Variants in CEP83 observed in about 807,000 individuals in gnomAD.
CEP83 encodes the protein centrosomal protein 83.
In CEP83, 70 loss-of-function variants were observed where a neutral mutation model predicts 101.9. That is an observed-to-expected ratio of 0.69 (90% CI 0.57 to 0.84). CEP83 has a LOEUF of 0.84. Among genes scored for constraint, CEP83 ranks in the 40% least tolerant of loss-of-function variants. The probability of loss-of-function intolerance (pLI) is 0.00; values close to 1 mark genes in which losing one functional copy is unlikely to be tolerated. For synonymous variants in CEP83, 264 were observed against 267.9 expected (o/e 0.99, Z 0.14); for missense variants, 715 against 787.2 (o/e 0.91, Z 1.10).
At chr12:94,353,093 C>G (rs541333058) in intron 11 of CEP83, among the ~76,000 whole-genome samples, 13 of 152,076 alleles carry the variant, frequency 8.5e-5, no homozygotes, top group Admixed American at 8.5e-4. Context: ...CTATAAACAA[C>G]AAGAAAAAAG....
chr12:94,305,918 C>T (rs1968957296), downstream of CEP83: 2 of 152,032 alleles, frequency 1.3e-5, no homozygotes, highest in South Asian at 4.1e-4. Flanking sequence ...AACTGCACTC[C>T]ATCAAACTCA....
chr12:94,354,926 T>C (rs2060378372), intron 11 of CEP83, among the ~76,000 whole-genome samples: 1 of 152,038 alleles, frequency 6.6e-6, no homozygotes, highest in Non-Finnish European at 1.5e-5. Flanking sequence ...TGCTTGAATC[T>C]GGGAGGTGGA....
At chr12:94,440,371 T>C (rs966804010) in intron 1 of CEP83, among the ~76,000 whole-genome samples, 5 of 152,222 alleles carry the variant, frequency 3.3e-5, no homozygotes, top group African/African-American at 9.6e-5. Context: ...CACAGATGAG[T>C]AGCTCTGCTG....
At chr12:94,334,104 TC>T (rs913842496) in intron 12 of CEP83, among the ~76,000 whole-genome samples, 1 of 152,094 alleles carries the variant, frequency 6.6e-6, no homozygotes, top group African/African-American at 2.4e-5. Context: ...TCAGCAACCT[TC>T]CAGAAGTTCT....
intron 2 of CEP83, among the ~76,000 whole-genome samples, chr12:94,427,142 C>T (rs2065263877): frequency 1.3e-5 from 2 of 152,194 alleles, no homozygotes; most frequent in Non-Finnish European, 2.9e-5. Context: ...GGTTAGACTT[C>T]TTTGATTTCA....
intron 2 of CEP83, among the ~76,000 whole-genome samples, chr12:94,429,866 T>TA (rs1173894702): frequency 6.6e-6 from 1 of 152,182 alleles, no homozygotes; most frequent in African/African-American, 2.4e-5. Flanking sequence ...CCACCAGGGC[T>TA]AAAATGCAAG....
chr12:94,405,328 T>C (rs1002317881), intron 4 of CEP83, among the ~76,000 whole-genome samples: 1 of 152,246 alleles, frequency 6.6e-6, no homozygotes, highest in African/African-American at 2.4e-5. Flanking sequence ...ATTATGCTTT[T>C]AAGACAGACT....
chr12:94,297,092 T>C, the CEP83 span: 2 of 1,165,300 alleles, frequency 1.7e-6, no homozygotes, highest in Admixed American at 1.8e-5. Flanking sequence ...GTAACTTCAG[T>C]ATACAGCACA....
chr12:94,320,359 A>G (rs1053492490), intron 14 of CEP83, among the ~76,000 whole-genome samples: 2 of 152,136 alleles, frequency 1.3e-5, no homozygotes, highest in Admixed American at 6.5e-5. Flanking sequence ...GTCAGTATTA[A>G]TATGTGTGGA....
intron 11 of CEP83, among the ~76,000 whole-genome samples, chr12:94,350,674 T>A (rs1222995199): frequency 1.3e-5 from 2 of 151,956 alleles, no homozygotes; most frequent in Non-Finnish European, 2.9e-5. Flanking sequence ...CAACAAAAGA[T>A]ACTTATCAAC....
the CEP83 span, among the ~76,000 whole-genome samples, chr12:94,295,550 G>C: frequency 2.6e-5 from 4 of 152,122 alleles, no homozygotes; most frequent in African/African-American, 4.8e-5. Context: ...ACTGCTGCTA[G>C]TTTCCATTCA....
intron 1 of CEP83, among the ~76,000 whole-genome samples, chr12:94,447,684 A>AAT (rs1195511991): frequency 1.3e-5 from 2 of 152,106 alleles, no homozygotes; most frequent in Non-Finnish European, 2.9e-5. Context: ...ATACAGCTGT[A>AAT]ATATATATAA....
intron 14 of CEP83, among the ~76,000 whole-genome samples, chr12:94,330,142 A>G (rs751919413): frequency 6.6e-6 from 1 of 152,226 alleles, no homozygotes; most frequent in Non-Finnish European, 1.5e-5. Context: ...AGATATTAAG[A>G]TAATGGTTCC....
intron 1 of CEP83, among the ~76,000 whole-genome samples, chr12:94,454,731 G>T (rs558460092): frequency 6.6e-6 from 1 of 152,156 alleles, no homozygotes; most frequent in South Asian, 2.1e-4. Context: ...CACCACGAAG[G>T]TCCGCAGCTT....
chr12:94,424,216 A>C (rs1004233213), intron 2 of CEP83: 3 of 1,611,938 alleles, frequency 1.9e-6, no homozygotes. Flanking sequence ...TGGTGGGGTC[A>C]TAGGTCAAGG....
chr12:94,298,154 G>A, the CEP83 span, among the ~76,000 whole-genome samples: 1 of 152,180 alleles, frequency 6.6e-6, no homozygotes, highest in African/African-American at 2.4e-5. Flanking sequence ...GTCCCATAGA[G>A]CCCAGCCTAT....
chr12:94,295,901 C>T, the CEP83 span, among the ~76,000 whole-genome samples: 2 of 152,188 alleles, frequency 1.3e-5, no homozygotes, highest in Non-Finnish European at 2.9e-5. Flanking sequence ...TCACCCTGCA[C>T]TCTTTACAGA....
rs530880700 is a variant in CEP83, at chr12:94,423,145, C to T, written c.-101-10554G>A. On this transcript the variant is annotated intron_variant, in intron 2 of 16. Transcript: ENST00000397809. ...TGTTGCCCAGGCTGGAGTGCAATGG[C>T]GCAATCTCAGTTCATCACAGCCTCT... Among the ~76,000 whole-genome samples the T allele has an allele frequency of 5.9e-5, 9 of 151,966 alleles. No individual in the cohort carries two copies. The South Asian group carries it at 1.0e-3, about 18-fold the overall frequency.
chr12:94,362,762 C>A (rs2060834028), intron 11 of CEP83, among the ~76,000 whole-genome samples: 2 of 152,200 alleles, frequency 1.3e-5, no homozygotes, highest in Non-Finnish European at 2.9e-5. Context: ...GAACTATTCA[C>A]AGTAAGCAAG....
Sources: allele counts gnomAD v4.1 joint callset (sites outside exome capture counted in the v4.1 genomes callset), GRCh38; gene constraint gnomAD v4.1.1; transcripts MANE v1.5; gene names NCBI Gene and HGNC (gene_info 2026-07-23, HGNC 2026-07-21).